GTF3C5: variants seen among roughly 807,000 people sequenced by gnomAD.
GTF3C5 encodes the protein general transcription factor 3C polypeptide 5.
In GTF3C5, 47 loss-of-function variants were observed where a neutral mutation model predicts 61.0. The observed-to-expected ratio is 0.77, with a 90% CI of 0.61 to 0.98. The LOEUF (loss-of-function observed/expected upper bound fraction) is 0.98, where lower values mean the gene tolerates loss of function less well. GTF3C5 is among the 50% of genes least tolerant of loss of function. The probability of loss-of-function intolerance (pLI) is 0.00; values close to 1 mark genes in which losing one functional copy is unlikely to be tolerated. For missense variants in GTF3C5, 659 were observed against 703.3 expected (o/e 0.94, Z 0.71); for synonymous variants, 295 against 275.4 (o/e 1.07, Z -0.71).
intron 8 of GTF3C5, chr9:133,055,729 C>T (rs1829919130): frequency 1.5e-6 from 2 of 1,294,072 alleles, no homozygotes; most frequent in Non-Finnish European, 9.9e-7. Context: ...TAGTGCCAGC[C>T]CCATGCCATG....
rs747415175 is a variant in GTF3C5 at position 133,057,881 on chromosome 9, CGAGGAGGATGAGGAG to C, written c.1470_1484del (p.Asp490_Glu494del). ...AGCTGACGTACGAGTCTGGGGAAGACGAGGAGGATGAGGAGGAGGAGGAAGAGGAGGAGGAGGACT... is the reference window on the plus strand; with the variant it reads ...AGCTGACGTACGAGTCTGGGGAAGACGAGGAGGAAGAGGAGGAGGAGGACT... On this transcript the variant is annotated inframe_deletion, in exon 11 of 11. Transcript: ENST00000372097. The C allele has an allele frequency of 4.1e-5, 66 of 1,613,418 alleles. No individual in the cohort carries two copies. Among genetic ancestry groups the C allele is most frequent in the Non-Finnish European group, 5.3e-5 (62 of 1,179,886 alleles).
At position 133,050,828 on chromosome 9, in the gene GTF3C5, C is replaced by G; in HGVS notation, c.618C>G (p.Gly206=). 6.2e-7 allele frequency: 1 copy of G among 1,614,012 alleles called. No individual in the cohort carries two copies. Among genetic ancestry groups the G allele is most frequent in the Non-Finnish European group, 8.5e-7 (1 of 1,179,908 alleles). Reference sequence around the variant, plus strand: ...CCATCTCAGGTGAGAATCTGATTGGCCTGAGCAGAGCCCGGCGCCCCCACA... The same window carrying G: ...CCATCTCAGGTGAGAATCTGATTGGGCTGAGCAGAGCCCGGCGCCCCCACA... ...NPPISGENLI[G]LSRARRPHNA... is the part of the protein sequence containing the mutation. Residue 206 remains glycine (G), a synonymous_variant, in exon 4 of 11, where the codon GGC becomes GGG. Transcript: ENST00000372097.
At chr9:133,041,959 C>A (rs1850051463) in intron 1 of GTF3C5, 128 bp from the exon 2 acceptor site, 2 of 647,390 alleles carry the variant, frequency 3.1e-6, no homozygotes, top group Admixed American at 3.0e-5. Flanking sequence ...AATTAAGGGC[C>A]CAGAATGAAA....
chr9:133,051,508 TC>T lies in GTF3C5; in HGVS notation c.768+532del, dbSNP rs550585753. On this transcript the variant is annotated intron_variant, in intron 4 of 10. Transcript: ENST00000372097. ...AGACCACGTGGATGTCTTGTTGATT[TC>T]CAGCAGTCACTGGGGCACACTGTCA... 1.4e-3 allele frequency among the ~76,000 whole-genome samples: 216 copies of T among 152,366 alleles called. 2 individuals carry two copies. The highest frequency in any genetic ancestry group is 4.9e-3 in the African/African-American group (202 of 41,592).
rs370978913 is a variant in GTF3C5, at chr9:133,049,620, CT to C, written c.573-1160del. Among the ~76,000 whole-genome samples, 34 of 152,254 alleles carry C rather than the reference CT, an allele frequency of 2.2e-4. 1 individual carries two copies. The highest frequency in any genetic ancestry group is 8.2e-4 in the African/African-American group (34 of 41,532). ...AGCTGGTGACGGGCTTGTGGGGGTT[CT>C]TTACACTGGCCTGCCTGCTTTTGTG... is the stretch of plus-strand genomic sequence containing the variant. On this transcript the variant is annotated intron_variant, in intron 3 of 10. Coordinates refer to ENST00000372097, the MANE Select transcript of GTF3C5 (RefSeq NM_012087.4).
intron 4 of GTF3C5, among the ~76,000 whole-genome samples, chr9:133,051,775 C>T (rs534717261): frequency 1.3e-5 from 2 of 152,230 alleles, no homozygotes; most frequent in African/African-American, 4.8e-5. Flanking sequence ...TACTCCCCAC[C>T]GCGCTGTGGG....
In GTF3C5 at chr9:133,054,917, G is replaced by T. The variant is rs1829883237; in HGVS notation, c.1167+108G>T. 4 of 1,545,930 alleles carry T rather than the reference G, an allele frequency of 2.6e-6. No individual in the cohort carries two copies. The African/African-American group carries it at 4.1e-5, about 16-fold the overall frequency. ...GTGATTAGGGCAGCTCTGCCCACCGGGGCCTCGGCACCTTGCTTCCTTTTA... is the reference window on the plus strand; with the variant it reads ...GTGATTAGGGCAGCTCTGCCCACCGTGGCCTCGGCACCTTGCTTCCTTTTA... On this transcript the variant is annotated intron_variant, in intron 8 of 10. Coordinates refer to ENST00000372097, the MANE Select transcript of GTF3C5 (RefSeq NM_012087.4).
intron 1 of GTF3C5, among the ~76,000 whole-genome samples, chr9:133,041,572 C>T (rs1296977828): frequency 6.6e-6 from 1 of 152,184 alleles, no homozygotes; most frequent in East Asian, 1.9e-4. Context: ...CACTCTTTAC[C>T]CTGCCCCTTT....
At chr9:133,031,692 G>A (rs988758538) in intron 1 of GTF3C5, among the ~76,000 whole-genome samples, 1 of 152,198 alleles carries the variant, frequency 6.6e-6, no homozygotes, top group Non-Finnish European at 1.5e-5. Context: ...AGAGCACACC[G>A]ACAAGGAAGG....
intron 9 of GTF3C5, among the ~76,000 whole-genome samples, chr9:133,056,515 A>G (rs528887326): frequency 1.3e-5 from 2 of 152,312 alleles, no homozygotes; most frequent in Admixed American, 6.5e-5. Context: ...GCTGAAAGCC[A>G]TGGTTCACCA....
Position 133,058,079 on chromosome 9 carries a change from C to T in GTF3C5, c.*99C>T. The stretch of plus-strand genomic sequence containing the variant: ...TTGCCACCCACAGTGCCCGGAATGG[C>T]CCTAGGAGGCCCTCTGAGGAGAGCT... On this transcript the variant is annotated 3_prime_UTR_variant, in exon 11 of 11. Coordinates refer to ENST00000372097, the MANE Select transcript of GTF3C5 (RefSeq NM_012087.4). 1.3e-6 allele frequency: 2 copies of T among 1,561,758 alleles called. No individual in the cohort carries two copies. The highest frequency in any genetic ancestry group is 2.3e-5 in the East Asian group (1 of 44,344).
chr9:133,044,146 C>CAAAAAAAA (rs34524914), intron 3 of GTF3C5: 34 of 108,444 alleles, frequency 3.1e-4, no homozygotes, highest in Non-Finnish European at 4.0e-4. Flanking sequence ...CTTTGTCTCC[C>CAAAAAAAA]AAAAAAAAAA....
At chr9:133,052,260 C>A (rs1201065804) in intron 5 of GTF3C5, 96 bp downstream of exon 5, 1 of 656,930 alleles carries the variant, frequency 1.5e-6, no homozygotes, top group Non-Finnish European at 2.7e-6. Context: ...GAGCAGCCAA[C>A]CCCCTATCCT....
At chr9:133,038,784 A>G (rs1046547921) in intron 1 of GTF3C5, among the ~76,000 whole-genome samples, 2 of 151,482 alleles carry the variant, frequency 1.3e-5, no homozygotes, top group African/African-American at 2.4e-5. Context: ...CATTCCATCC[A>G]CAAATGTGAG....
rs779391281 is a variant in GTF3C5, at chr9:133,056,075, T to C, written c.1231T>C (p.Cys411Arg). Reference sequence around the variant, plus strand: ...CTATCGGCAGATGTTCTACCAGTTATGCGACTTGAATGTGGAAGAGTACGT... The same window carrying C: ...CTATCGGCAGATGTTCTACCAGTTACGCGACTTGAATGTGGAAGAGTACGT... Reference protein sequence around the residue: ...PPYRQMFYQLCDLNVEELQKI... With the variant: ...PPYRQMFYQLRDLNVEELQKI... The change falls in exon 9 of 11, where the codon TGC (cysteine) becomes CGC (arginine). Residue 411 changes from cysteine to arginine, a missense_variant. Transcript: ENST00000372097. 5 of 1,613,972 alleles carry C rather than the reference T, an allele frequency of 3.1e-6. No homozygotes were observed. The highest frequency in any genetic ancestry group is 1.3e-5 in the African/African-American group (1 of 74,938).
rs140832971 is a variant in GTF3C5 at position 133,056,024 on chromosome 9, A to C, written c.1180A>C (p.Ile394Leu). The change falls in exon 9 of 11, where the codon ATC becomes CTC. Residue 394 changes from isoleucine to leucine, a missense_variant. Physicochemically the swap from Ile to Leu is conservative, Grantham distance 5. Transcript: ENST00000372097. ...SKYKLKDSVY[I>L]FREGALPPYR... ...CCTTTGTCACCAGGACTCTGTCTAC[A>C]TCTTCCGGGAAGGGGCCTTGCCACC... is the stretch of plus-strand genomic sequence containing the variant. The C allele has an allele frequency of 3.9e-5, 63 of 1,614,066 alleles. No homozygotes were observed. In the African/African-American group the frequency reaches 5.5e-4, roughly 14 times the overall value.
At chr9:133,036,771 T>C (rs1849875099) in intron 1 of GTF3C5, among the ~76,000 whole-genome samples, 1 of 152,108 alleles carries the variant, frequency 6.6e-6, no homozygotes, top group Non-Finnish European at 1.5e-5. Flanking sequence ...CAACCAATCC[T>C]AGGAATGTTA....
intron 3 of GTF3C5, among the ~76,000 whole-genome samples, chr9:133,050,554 C>T (rs1850339324): frequency 6.6e-6 from 1 of 152,214 alleles, no homozygotes; most frequent in Non-Finnish European, 1.5e-5. Flanking sequence ...GCTGCAGGCC[C>T]CAGGGTTTCT....
In GTF3C5 at chr9:133,043,719, T is replaced by A. The variant is rs762062722; in HGVS notation, c.374-9T>A. 2.5e-6 allele frequency: 4 copies of A among 1,612,866 alleles called. No individual in the cohort carries two copies. Among genetic ancestry groups the A allele is most frequent in the South Asian group, 2.2e-5 (2 of 91,056 alleles). ...TCAATGTCTGCCATCTGCCCACCTC[T>A]CTTTCTAGGGATGTCTGACTTCCAG... On this transcript the variant is annotated splice_polypyrimidine_tract_variant and intron_variant, in intron 2 of 10. Transcript: ENST00000372097.
Sources: allele counts gnomAD v4.1 joint callset (sites outside exome capture counted in the v4.1 genomes callset), GRCh38; gene constraint gnomAD v4.1.1; transcripts MANE v1.5; gene names NCBI Gene and HGNC (gene_info 2026-07-23, HGNC 2026-07-21).